Variants in RASSF3 observed in about 807,000 individuals in gnomAD.
RASSF3 encodes the protein ras association domain-containing protein 3.
Under a neutral mutation model 19.9 loss-of-function variants are expected in RASSF3, and 19 were observed. The observed-to-expected ratio is 0.96, with a 90% CI of 0.67 to 1.40. The LOEUF (loss-of-function observed/expected upper bound fraction) is 1.40. Among genes scored for constraint, RASSF3 ranks in the 40% most tolerant of loss-of-function variants. The pLI is 0.00. For synonymous variants in RASSF3, 110 were observed against 104.2 expected (o/e 1.06, Z -0.34); for missense variants, 306 against 289.8 (o/e 1.06, Z -0.41).
intron 1 of RASSF3, among the ~76,000 whole-genome samples, chr12:64,512,287 CA>C (rs1159205622): frequency 1.3e-5 from 2 of 152,138 alleles, no homozygotes; most frequent in African/African-American, 2.4e-5. Context: ...AAGATGACAT[CA>C]CAAAATCTGT....
At chr12:64,568,085 G>A (rs1467174844) in intron 2 of RASSF3, among the ~76,000 whole-genome samples, 1 of 152,202 alleles carries the variant, frequency 6.6e-6, no homozygotes. Flanking sequence ...AGGCTGGAGT[G>A]CAGTGGCGCG....
At chr12:64,579,898 T>C (rs1869662466) in intron 2 of RASSF3, among the ~76,000 whole-genome samples, 1 of 150,116 alleles carries the variant, frequency 6.7e-6, no homozygotes, top group South Asian at 2.1e-4. Context: ...CACTGCAACC[T>C]CTGCCTTCTG....
chr12:64,636,119 G>A (rs1017343217), intron 1 of RASSF3, among the ~76,000 whole-genome samples: 1 of 136,354 alleles, frequency 7.3e-6, no homozygotes, highest in African/African-American at 2.5e-5. Context: ...TATAACTTAC[G>A]GTTTTTTTTT....
chr12:64,554,253 G>C (rs1565838174), intron 2 of RASSF3, among the ~76,000 whole-genome samples: 1 of 152,180 alleles, frequency 6.6e-6, no homozygotes, highest in Non-Finnish European at 1.5e-5. Context: ...CAAATGGAGG[G>C]ATTAATCCTG....
At chr12:64,685,315 C>T (rs1038350945) in intron 2 of RASSF3, among the ~76,000 whole-genome samples, 4 of 152,054 alleles carry the variant, frequency 2.6e-5, no homozygotes, top group African/African-American at 7.3e-5. Context: ...GCACGATCAC[C>T]GCTCACTGCA....
At chr12:64,594,004 T>A (rs1301736774) in intron 2 of RASSF3, among the ~76,000 whole-genome samples, 1 of 98,650 alleles carries the variant, frequency 1.0e-5, no homozygotes, top group Non-Finnish European at 1.9e-5. Context: ...AGGGTGAGAC[T>A]CTGTCTCAAA....
intron 1 of RASSF3, among the ~76,000 whole-genome samples, chr12:64,517,681 C>T (rs1210828267): frequency 6.6e-6 from 1 of 151,190 alleles, no homozygotes; most frequent in Non-Finnish European, 1.5e-5. Flanking sequence ...TACAGTAGCA[C>T]AATCATGGCC....
At chr12:64,670,993 C>A (rs544536048) in intron 1 of RASSF3, among the ~76,000 whole-genome samples, 2 of 152,128 alleles carry the variant, frequency 1.3e-5, no homozygotes, top group South Asian at 4.1e-4. Context: ...ATAGTATTAC[C>A]CAATTCCAGG....
Position 64,512,791 on chromosome 12 carries a change from G to A in RASSF3, c.169+5462G>A, listed in dbSNP as rs569181246. Among the ~76,000 whole-genome samples the A allele has an allele frequency of 6.6e-5, 10 of 152,292 alleles. No individual in the cohort carries two copies. The South Asian group carries it at 2.1e-3, about 32-fold the overall frequency. The stretch of plus-strand genomic sequence containing the variant: ...TTATTCTGAGGCACTGCTCTAATGA[G>A]CAATCTTACTCATATCAATGTTCCT... On this transcript the variant is annotated intron_variant, in intron 1 of 5. Transcript: ENST00000637125.
At chr12:64,551,671 G>A (rs1156997386) in intron 2 of RASSF3, among the ~76,000 whole-genome samples, 2 of 152,156 alleles carry the variant, frequency 1.3e-5, no homozygotes, top group African/African-American at 4.8e-5. Flanking sequence ...ACTTAGCCTG[G>A]TGTTTGGTGG....
rs796649151 is a variant in RASSF3 at position 64,695,205 on chromosome 12, G to GTTTTTTTTT, written c.*296_*304dup. ...GCTTGGAAGCATGAACTCTGGGGGTGTTTTTTTTTTTGGTTATTTTAATTA... is the reference window on the plus strand; with the variant it reads ...GCTTGGAAGCATGAACTCTGGGGGTGTTTTTTTTTTTTTTTTTTTTGGTTATTTTAATTA... On this transcript the variant is annotated 3_prime_UTR_variant, in exon 5 of 5. Coordinates refer to ENST00000542104, the MANE Select transcript of RASSF3 (RefSeq NM_178169.4). 8.4e-6 allele frequency: 2 copies of GTTTTTTTTT among 238,206 alleles called. No homozygotes were observed. Among genetic ancestry groups the GTTTTTTTTT allele is most frequent in the Non-Finnish European group, 1.6e-5 (2 of 125,486 alleles). The allele number at this position is 238,206 out of a possible 1,614,324, so 14.8% of individuals were successfully genotyped here.
At chr12:64,685,444 C>A (rs2136219605) in intron 2 of RASSF3, among the ~76,000 whole-genome samples, 1 of 152,174 alleles carries the variant, frequency 6.6e-6, no homozygotes, top group Non-Finnish European at 1.5e-5. Context: ...GGGGTTTTGC[C>A]ATATCACCCA....
At chr12:64,513,910 C>T (rs146082332) in intron 1 of RASSF3, among the ~76,000 whole-genome samples, 1,911 of 152,134 alleles carry the variant, frequency 0.013, 15 homozygotes, top group Middle Eastern at 0.048. Context: ...GACAGAGTCT[C>T]GCTCTGTCAC....
intron 1 of RASSF3, among the ~76,000 whole-genome samples, chr12:64,518,874 A>T (rs992267064): frequency 2.6e-5 from 4 of 152,210 alleles, no homozygotes; most frequent in Non-Finnish European, 5.9e-5. Flanking sequence ...TCAAAGAGAG[A>T]TATGGTCCAA....
intron 1 of RASSF3, among the ~76,000 whole-genome samples, chr12:64,681,420 G>C (rs944436568): frequency 6.6e-6 from 1 of 152,172 alleles, no homozygotes; most frequent in Non-Finnish European, 1.5e-5. Flanking sequence ...AACAGGCTCA[G>C]AAAGGTTAAG....
chr12:64,572,280 G>A (rs1189112658), intron 2 of RASSF3, among the ~76,000 whole-genome samples: 1 of 151,874 alleles, frequency 6.6e-6, no homozygotes, highest in Non-Finnish European at 1.5e-5. Flanking sequence ...TGAGGCTGGG[G>A]ACCTTCATGA....
intron 1 of RASSF3, among the ~76,000 whole-genome samples, chr12:64,513,154 C>T (rs1868338424): frequency 6.6e-6 from 1 of 151,996 alleles, no homozygotes; most frequent in African/African-American, 2.4e-5. Context: ...TGTTAAAAGC[C>T]AGATTTCAGG....
intron 1 of RASSF3, among the ~76,000 whole-genome samples, chr12:64,664,263 C>T (rs1238552050): frequency 2.0e-5 from 3 of 152,148 alleles, no homozygotes; most frequent in Admixed American, 6.6e-5. Flanking sequence ...ACCAAAATTT[C>T]ACCATGAAAA....
At chr12:64,647,968 G>C (rs560500271) in intron 1 of RASSF3, among the ~76,000 whole-genome samples, 1 of 152,346 alleles carries the variant, frequency 6.6e-6, no homozygotes, top group Non-Finnish European at 1.5e-5. Flanking sequence ...GTTCAGCCAT[G>C]ACATCTATGG....
Sources: allele counts gnomAD v4.1 joint callset (sites outside exome capture counted in the v4.1 genomes callset), GRCh38; gene constraint gnomAD v4.1.1; transcripts MANE v1.5; gene names NCBI Gene and HGNC (gene_info 2026-07-23, HGNC 2026-07-21).